Variants in CDH18 observed in about 807,000 individuals in gnomAD.
CDH18 encodes the protein cadherin 18.
In CDH18, 31 loss-of-function variants were observed where a neutral mutation model predicts 67.9. The ratio of observed to expected loss-of-function variants is 0.46; its 90% CI spans 0.34 to 0.62. The LOEUF (loss-of-function observed/expected upper bound fraction) is 0.62. CDH18 is among the 20% of genes least tolerant of loss of function. CDH18 has a pLI of 0.01. For missense variants in CDH18, 890 were observed against 975.5 expected (o/e 0.91, Z 1.17); for synonymous variants, 362 against 347.2 (o/e 1.04, Z -0.48).
At chr5:19,743,921 C>CAA (rs140476096) in intron 4 of CDH18, among the ~76,000 whole-genome samples, 5 of 65,900 alleles carry the variant, frequency 7.6e-5, no homozygotes, top group African/African-American at 2.6e-4. Flanking sequence ...ACTCTTGTCT[C>CAA]AAAAAAAAAA....
chr5:20,090,510 G>A (rs541860740), intron 2 of CDH18, among the ~76,000 whole-genome samples: 1 of 151,976 alleles, frequency 6.6e-6, no homozygotes, highest in African/African-American at 2.4e-5. Flanking sequence ...ACTCCAGCCT[G>A]GGCGACAGAG....
At chr5:19,964,648 AAAAAAAAAAAAAAG>A (rs1334562596) in intron 2 of CDH18, among the ~76,000 whole-genome samples, 2 of 104,596 alleles carry the variant, frequency 1.9e-5, no homozygotes, top group African/African-American at 2.0e-4. Flanking sequence ...GCCCTGTATC[AAAAAAAAAAAAAAG>A]AAAAAAAAAG....
At chr5:20,251,389 G>A (rs1186547938) in intron 2 of CDH18, among the ~76,000 whole-genome samples, 1 of 152,058 alleles carries the variant, frequency 6.6e-6, no homozygotes, top group Non-Finnish European at 1.5e-5. Flanking sequence ...ATGCTTATCT[G>A]TAATAACATG....
chr5:19,758,722 G>A (rs1257790844), intron 3 of CDH18, among the ~76,000 whole-genome samples: 1 of 152,186 alleles, frequency 6.6e-6, no homozygotes, highest in East Asian at 1.9e-4. Context: ...CCTTAGAAGG[G>A]ATATCTTGAC....
At chr5:19,519,425 A>G (rs1015077681) in intron 10 of CDH18, among the ~76,000 whole-genome samples, 1 of 152,178 alleles carries the variant, frequency 6.6e-6, no homozygotes, top group African/African-American at 2.4e-5. Context: ...AGGTATACTC[A>G]TTTGGGTTCA....
At chr5:19,591,342 C>T (rs758063259) in intron 6 of CDH18, 98 bp from the exon 7 acceptor site, 1 of 794,888 alleles carries the variant, frequency 1.3e-6, no homozygotes, top group Admixed American at 3.3e-5. Flanking sequence ...CAAATGAAGA[C>T]TATATTAGGT....
At chr5:19,922,427 C>T (rs548808624) in intron 2 of CDH18, among the ~76,000 whole-genome samples, 1 of 152,040 alleles carries the variant, frequency 6.6e-6, no homozygotes, top group South Asian at 2.1e-4. Context: ...CTTATTTCAC[C>T]CAAAGAATTT....
intron 5 of CDH18, among the ~76,000 whole-genome samples, chr5:19,687,144 C>T (rs778535984): frequency 1.2e-4 from 18 of 152,102 alleles, no homozygotes; most frequent in East Asian, 3.9e-4. Flanking sequence ...CAGTTCCAGA[C>T]GTGGAGAGGT....
At chr5:20,276,063 A>G (rs902111399) in intron 1 of CDH18, among the ~76,000 whole-genome samples, 2 of 152,168 alleles carry the variant, frequency 1.3e-5, no homozygotes, top group African/African-American at 4.8e-5. Flanking sequence ...CTACCATGCG[A>G]TAAATTGCTC....
At chr5:20,193,696 C>A (rs564978387) in intron 2 of CDH18, among the ~76,000 whole-genome samples, 34 of 152,194 alleles carry the variant, frequency 2.2e-4, no homozygotes, top group South Asian at 6.2e-4. Flanking sequence ...ATGCCAAAAT[C>A]CCCAATAAAA....
chr5:19,612,102 T>C (rs1580487837), intron 6 of CDH18, among the ~76,000 whole-genome samples: 1 of 152,140 alleles, frequency 6.6e-6, no homozygotes, highest in Non-Finnish European at 1.5e-5. Flanking sequence ...CACATCAAAA[T>C]ACCTTTTCAA....
chr5:19,942,058 A>G (rs1004826379), intron 2 of CDH18, among the ~76,000 whole-genome samples: 1 of 152,108 alleles, frequency 6.6e-6, no homozygotes, highest in Non-Finnish European at 1.5e-5. Flanking sequence ...ATAATCAGGA[A>G]AGCAGACTTC....
At chr5:19,933,599 C>G (rs141895169) in intron 2 of CDH18, among the ~76,000 whole-genome samples, 9 of 151,646 alleles carry the variant, frequency 5.9e-5, no homozygotes, top group African/African-American at 2.2e-4. Context: ...GCCATCATAA[C>G]TCCACCTAAT....
intron 2 of CDH18, among the ~76,000 whole-genome samples, chr5:19,993,969 T>C (rs1356012004): frequency 5.9e-5 from 9 of 152,178 alleles, no homozygotes; most frequent in Admixed American, 5.2e-4. Context: ...AAATGGCATA[T>C]TGGCAGACTA....
chr5:20,379,037 T>C (rs1045332091), intron 1 of CDH18, among the ~76,000 whole-genome samples: 1 of 152,166 alleles, frequency 6.6e-6, no homozygotes, highest in Non-Finnish European at 1.5e-5. Context: ...CTACACTCTA[T>C]GTTTTATGGA....
intron 3 of CDH18, among the ~76,000 whole-genome samples, chr5:19,785,586 G>A (rs1483146626): frequency 7.0e-6 from 1 of 142,176 alleles, no homozygotes; most frequent in Admixed American, 7.3e-5. Flanking sequence ...CTCATGAGGC[G>A]GAGGTTGCAG....
chr5:20,573,779 T>C (rs1486924805), intron 1 of CDH18, among the ~76,000 whole-genome samples: 2 of 141,990 alleles, frequency 1.4e-5, no homozygotes, highest in African/African-American at 5.0e-5. Context: ...GTTTGGCATT[T>C]GTCCCCCAAA....
chr5:20,010,159 G>GGTGTGT (rs35461877), intron 2 of CDH18, among the ~76,000 whole-genome samples: 13,384 of 146,256 alleles, frequency 0.092, 647 homozygotes, highest in African/African-American at 0.13. Context: ...AGTGGAAAGT[G>GGTGTGT]GTGTGTGTGT....
intron 2 of CDH18, among the ~76,000 whole-genome samples, chr5:20,123,104 T>C: frequency 6.6e-6 from 1 of 150,750 alleles, no homozygotes. Flanking sequence ...ATTTTTGTAT[T>C]TTATATAATT....
Sources: gnomAD v4.1 joint callset for allele counts (sites outside exome capture counted in the v4.1 genomes callset) on GRCh38, gnomAD v4.1.1 for gene constraint, MANE v1.5 for transcripts, NCBI Gene and HGNC (gene_info 2026-07-23, HGNC 2026-07-21) for gene names.